CACHD1: variants seen among roughly 807,000 people sequenced by gnomAD.
CACHD1 encodes VWFA and cache domain-containing protein 1.
Under a neutral mutation model 138.7 loss-of-function variants are expected in CACHD1, and 71 were observed. The ratio of observed to expected loss-of-function variants is 0.51; its 90% CI spans 0.42 to 0.62. The LOEUF is 0.62. Ranked by LOEUF, CACHD1 falls within the 20% of genes least tolerant of loss-of-function variation. The probability of loss-of-function intolerance (pLI) is 0.00; values close to 1 mark genes in which losing one functional copy is unlikely to be tolerated. For missense variants in CACHD1, 1,389 were observed against 1,625.3 expected, an observed-to-expected ratio of 0.85 and a Z score of 2.50; for synonymous variants, 578 against 591.5, an observed-to-expected ratio of 0.98 and a Z score of 0.33.
chr1:64,601,718 A>G (rs1414410711), intron 3 of CACHD1, among the ~76,000 whole-genome samples: 1 of 152,254 alleles, frequency 6.6e-6, no homozygotes, highest in East Asian at 1.9e-4. Flanking sequence ...GCCAGTGGTC[A>G]AATGGATATT....
chr1:64,641,875 G>T lies in CACHD1; in HGVS notation c.1062G>T (p.Ser354=). 1 of 1,587,648 alleles carries T rather than the reference G, an allele frequency of 6.3e-7. No individual in the cohort carries two copies. The highest frequency in any genetic ancestry group is 8.6e-7 in the Non-Finnish European group (1 of 1,166,680). Residue 354 remains serine (S), a synonymous_variant, in exon 8 of 27, where the codon TCG becomes TCT. Transcript: ENST00000651257. ...CTGGCATTACATCAAAGGACTCTTC[G>T]GAAGAAGATAAAAAAGCGACTCTCC... ...LSAGITSKDS[S]EEDKKATLQV...
chr1:64,568,590 A>G (rs1190831366), intron 2 of CACHD1, among the ~76,000 whole-genome samples: 2 of 152,206 alleles, frequency 1.3e-5, no homozygotes, highest in East Asian at 3.8e-4. Context: ...AGGAAAACAT[A>G]CATGTAACCT....
chr1:64,542,842 G>A (rs1646687634), intron 1 of CACHD1, among the ~76,000 whole-genome samples: 1 of 151,996 alleles, frequency 6.6e-6, no homozygotes, highest in South Asian at 2.1e-4. Context: ...CAGAACCTCA[G>A]TTCCCTCATC....
At chr1:64,573,210 G>A (rs1324425592) in intron 2 of CACHD1, among the ~76,000 whole-genome samples, 3 of 152,126 alleles carry the variant, frequency 2.0e-5, no homozygotes, top group Non-Finnish European at 4.4e-5. Flanking sequence ...CGTGAGGGTG[G>A]AGCCCCCATG....
chr1:64,663,262 T>C (rs1172357757), intron 13 of CACHD1, among the ~76,000 whole-genome samples: 1 of 146,304 alleles, frequency 6.8e-6, no homozygotes, highest in Non-Finnish European at 1.5e-5. Context: ...CCTTTAGATA[T>C]TAAGCCGCCG....
chr1:64,682,631 A>G (rs1408998288), intron 26 of CACHD1, among the ~76,000 whole-genome samples: 1 of 152,222 alleles, frequency 6.6e-6, no homozygotes, highest in Non-Finnish European at 1.5e-5. Context: ...ACCAGTGTTT[A>G]CAAAGTCATG....
chr1:64,590,813 G>T (rs556526613), intron 3 of CACHD1, among the ~76,000 whole-genome samples: 7 of 152,216 alleles, frequency 4.6e-5, no homozygotes, highest in Non-Finnish European at 7.3e-5. Flanking sequence ...AGTAAGTTCA[G>T]TTGTGATGTA....
At chr1:64,566,486 C>CCG (rs1553133842) in intron 2 of CACHD1, among the ~76,000 whole-genome samples, 5 of 143,522 alleles carry the variant, frequency 3.5e-5, no homozygotes, top group South Asian at 4.8e-4. Context: ...AATTCCCCCC[C>CCG]CCCCACAAGG....
At chr1:64,520,230 A>G (rs1646488422) in intron 1 of CACHD1, among the ~76,000 whole-genome samples, 1 of 152,262 alleles carries the variant, frequency 6.6e-6, no homozygotes, top group Non-Finnish European at 1.5e-5. Flanking sequence ...ATACAAGGGT[A>G]GAGGTATTTC....
chr1:64,689,503 A>C (rs971365097), intron 26 of CACHD1, among the ~76,000 whole-genome samples: 5 of 152,092 alleles, frequency 3.3e-5, no homozygotes, highest in South Asian at 2.1e-4. Context: ...GGCTGTTGAA[A>C]TAACCTCCTA....
rs199973022 is a variant in CACHD1, at chr1:64,666,066, T to C, written c.2286T>C (p.His762=). Residue 762 remains histidine (H), a synonymous_variant, in exon 16 of 27, where the codon CAT becomes CAC. Transcript: ENST00000651257. ...FDPTRRQWYL[H]AVANPGLISL... ...CTTTGGTCTCCATTAGGTATCTCCA[T>C]GCAGTAGCTAATCCAGGGTTGATTT... The C allele has an allele frequency of 5.5e-5, 88 of 1,593,998 alleles. No individual in the cohort carries two copies. The Admixed American group carries it at 1.2e-3, about 22-fold the overall frequency.
intron 1 of CACHD1, among the ~76,000 whole-genome samples, chr1:64,543,498 C>T (rs1349117870): frequency 6.6e-6 from 1 of 150,742 alleles, no homozygotes. Flanking sequence ...ATCACTTGAG[C>T]CCAGGAATTC....
chr1:64,499,488 T>C (rs1481924933), intron 1 of CACHD1, among the ~76,000 whole-genome samples: 1 of 152,026 alleles, frequency 6.6e-6, no homozygotes, highest in African/African-American at 2.4e-5. Flanking sequence ...AAGTTAAGAG[T>C]ATGATTGTAT....
intron 1 of CACHD1, among the ~76,000 whole-genome samples, chr1:64,484,926 C>G (rs1012266419): frequency 9.2e-5 from 14 of 152,208 alleles, no homozygotes; most frequent in African/African-American, 3.4e-4. Context: ...GTGAATAATG[C>G]TACTACAAAC....
In CACHD1 at chr1:64,664,500, C is replaced by T; in HGVS notation, c.2097C>T (p.Phe699=). The T allele has an allele frequency of 6.2e-7, 1 of 1,613,990 alleles. No homozygotes were observed. Among genetic ancestry groups the T allele is most frequent in the Non-Finnish European group, 8.5e-7 (1 of 1,179,902 alleles). ...CTATGTCTTCCTTTGTTTCCCAGTT[C>T]TCTGTCAGAAATGAAGTAATGGCTA... ...TRLIANPGLK[F]SVRNEVMATS... is the part of the protein sequence containing the mutation. Residue 699 remains phenylalanine (F), a splice_region_variant and synonymous_variant, in exon 15 of 27, where the codon TTC becomes TTT. Coordinates refer to ENST00000651257, the MANE Select transcript of CACHD1 (RefSeq NM_020925.4).
chr1:64,540,365 G>A (rs1196888044), intron 1 of CACHD1, among the ~76,000 whole-genome samples: 1 of 151,926 alleles, frequency 6.6e-6, no homozygotes, highest in East Asian at 1.9e-4. Flanking sequence ...ATAGGGGAGT[G>A]GAAATTTGGC....
At chr1:64,663,930 C>A in intron 14 of CACHD1, 93 bp downstream of exon 14, 1 of 1,510,082 alleles carries the variant, frequency 6.6e-7, no homozygotes, top group Non-Finnish European at 9.1e-7. Flanking sequence ...GGAAACCCAG[C>A]TCTGCATCTG....
chr1:64,623,401 C>CA (rs10645036), intron 4 of CACHD1, among the ~76,000 whole-genome samples: 27,698 of 140,190 alleles, frequency 0.2, 3,189 homozygotes, highest in African/African-American at 0.33. Flanking sequence ...GATTCTGCCT[C>CA]AAAAAAAAAA....
chr1:64,493,900 A>T (rs559167359), intron 1 of CACHD1, among the ~76,000 whole-genome samples: 1 of 152,326 alleles, frequency 6.6e-6, no homozygotes, highest in South Asian at 2.1e-4. Context: ...TGCCTCTGTG[A>T]AAGAATGCTT....
Sources: gnomAD v4.1 joint callset for allele counts (sites outside exome capture counted in the v4.1 genomes callset) on GRCh38, gnomAD v4.1.1 for gene constraint, MANE v1.5 for transcripts, NCBI Gene and HGNC (gene_info 2026-07-23, HGNC 2026-07-21) for gene names.